The following ITGA1 variants were observed in gnomAD, a reference collection of about 807,000 sequenced individuals.
ITGA1 encodes integrin subunit alpha 1.
Under a neutral mutation model 145.9 loss-of-function variants are expected in ITGA1, and 85 were observed. The observed-to-expected ratio is 0.58, with a 90% CI of 0.49 to 0.70. The LOEUF (loss-of-function observed/expected upper bound fraction) is 0.70, where lower values mean the gene tolerates loss of function less well. ITGA1 is among the 30% of genes least tolerant of loss of function. ITGA1 has a pLI of 0.00. For missense variants in ITGA1, 1,351 were observed against 1,418.7 expected (o/e 0.95, Z 0.77); for synonymous variants, 520 against 495.3 (o/e 1.05, Z -0.66).
At chr5:52,789,076 T>C (rs1277217593) in intron 1 of ITGA1, among the ~76,000 whole-genome samples, 1 of 152,228 alleles carries the variant, frequency 6.6e-6, no homozygotes, top group Non-Finnish European at 1.5e-5. Context: ...TGTACATAAA[T>C]GTGTATTTTT....
At chr5:52,917,487 A>T (rs1750664489) in intron 15 of ITGA1, among the ~76,000 whole-genome samples, 1 of 151,676 alleles carries the variant, frequency 6.6e-6, no homozygotes. Context: ...CCTTTTTTTT[A>T]AATTAAGCTA....
chr5:52,919,002 T>G, intron 16 of ITGA1, 104 bp downstream of exon 16: 1 of 992,380 alleles, frequency 1.0e-6, no homozygotes, highest in Non-Finnish European at 1.4e-6. Context: ...CATGGTGAGC[T>G]GCACGTCATA....
chr5:52,820,590 A>G (rs1748863267), intron 1 of ITGA1, among the ~76,000 whole-genome samples: 1 of 152,060 alleles, frequency 6.6e-6, no homozygotes, highest in Admixed American at 6.6e-5. Context: ...TGGAGGTAAT[A>G]CATTGTTAGT....
chr5:52,829,909 C>T (rs1163301267), intron 1 of ITGA1, among the ~76,000 whole-genome samples: 1 of 152,070 alleles, frequency 6.6e-6, no homozygotes, highest in Non-Finnish European at 1.5e-5. Context: ...GCTGAGGATT[C>T]AAGGCATAAA....
intron 11 of ITGA1, among the ~76,000 whole-genome samples, chr5:52,901,590 T>C (rs969501377): frequency 4.6e-5 from 7 of 152,222 alleles, no homozygotes; most frequent in African/African-American, 1.7e-4. Flanking sequence ...TTTTAATTGA[T>C]AACACTGTAG....
chr5:52,810,813 T>C (rs1171226539), intron 1 of ITGA1, among the ~76,000 whole-genome samples: 1 of 152,248 alleles, frequency 6.6e-6, no homozygotes. Context: ...TTTTCACCTT[T>C]ATCTCTGATC....
chr5:52,821,431 A>G (rs1196011962), intron 1 of ITGA1, among the ~76,000 whole-genome samples: 7 of 152,264 alleles, frequency 4.6e-5, no homozygotes, highest in South Asian at 2.1e-4. Context: ...TTCCCTCCCA[A>G]TGAATGTTGC....
chr5:52,927,732 A>G (rs1039070922), intron 20 of ITGA1, 68 bp downstream of exon 20: 3 of 1,020,142 alleles, frequency 2.9e-6, no homozygotes, highest in East Asian at 4.8e-5. Flanking sequence ...AGACAAATAT[A>G]TAAATCCTTC....
chr5:52,830,345 T>C (rs891824217), intron 1 of ITGA1, among the ~76,000 whole-genome samples: 6 of 152,180 alleles, frequency 3.9e-5, no homozygotes, highest in African/African-American at 1.4e-4. Context: ...CATTCTCAAA[T>C]TGTTCCCACT....
intron 6 of ITGA1, among the ~76,000 whole-genome samples, chr5:52,878,353 G>A (rs1749899910): frequency 6.6e-6 from 1 of 152,160 alleles, no homozygotes; most frequent in African/African-American, 2.4e-5. Flanking sequence ...ACATATTGGA[G>A]GTGGATAGAT....
At chr5:52,947,531 A>G in intron 28 of ITGA1, 70 bp downstream of exon 28, 2 of 869,176 alleles carry the variant, frequency 2.3e-6, no homozygotes, top group African/African-American at 1.6e-5. Context: ...AAGCTCTGAT[A>G]TATTCAGACT....
intron 9 of ITGA1, among the ~76,000 whole-genome samples, chr5:52,896,933 AC>A (rs1750235750): frequency 6.6e-6 from 1 of 152,090 alleles, no homozygotes. Context: ...AAATACCTAA[AC>A]CCTTTATCAC....
chr5:52,795,427 G>A (rs1393158381), intron 1 of ITGA1, among the ~76,000 whole-genome samples: 1 of 151,852 alleles, frequency 6.6e-6, no homozygotes, highest in African/African-American at 2.4e-5. Context: ...CACAAGCTAA[G>A]CAGAGGGTAT....
At chr5:52,952,355 G>T in intron 28 of ITGA1, 52 bp from the exon 29 acceptor site, 2 of 966,840 alleles carry the variant, frequency 2.1e-6, no homozygotes, top group Non-Finnish European at 1.5e-6. Context: ...ATTAATATTT[G>T]CTACCTAAAT....
At chr5:52,829,893 C>A (rs988759059) in intron 1 of ITGA1, among the ~76,000 whole-genome samples, 34 of 152,170 alleles carry the variant, frequency 2.2e-4, no homozygotes, top group African/African-American at 8.2e-4. Context: ...GACTTGTTAA[C>A]AACTGGCTGA....
chr5:52,830,768 GAGGCACTCACCCTAACATACTTTCCATCT>G (rs1450745032), intron 1 of ITGA1, among the ~76,000 whole-genome samples: 2 of 152,182 alleles, frequency 1.3e-5, no homozygotes, highest in African/African-American at 4.8e-5. Flanking sequence ...ACATACAGCA[GAGGCACTCACCCTAACATACTTTCCATCT>G]ATACGCCAGG....
intron 7 of ITGA1, among the ~76,000 whole-genome samples, chr5:52,882,483 C>T (rs190969583): frequency 1.6e-3 from 246 of 151,832 alleles, no homozygotes; most frequent in South Asian, 0.012. Context: ...GGTGTTAAGG[C>T]GCCAAATTAA....
At chr5:52,825,738 T>C (rs1377645264) in intron 1 of ITGA1, among the ~76,000 whole-genome samples, 1 of 152,034 alleles carries the variant, frequency 6.6e-6, no homozygotes, top group Non-Finnish European at 1.5e-5. Context: ...GTCAACATGG[T>C]GAAACCCCGT....
chr5:52,799,456 T>C (rs1180579116), intron 1 of ITGA1, among the ~76,000 whole-genome samples: 1 of 152,190 alleles, frequency 6.6e-6, no homozygotes, highest in African/African-American at 2.4e-5. Flanking sequence ...CTGCCAACTT[T>C]GGAGCCTAGG....
Sources: gnomAD v4.1 joint callset for allele counts (sites outside exome capture counted in the v4.1 genomes callset) on GRCh38, gnomAD v4.1.1 for gene constraint, MANE v1.5 for transcripts, NCBI Gene and HGNC (gene_info 2026-07-23, HGNC 2026-07-21) for gene names.